Variants in FAM219A observed in about 807,000 individuals in gnomAD.
The protein encoded by FAM219A is family with sequence similarity 219 member A.
A neutral mutation model predicts 23.4 loss-of-function variants in FAM219A; 7 were observed. The ratio of observed to expected loss-of-function variants is 0.30; its 90% CI spans 0.17 to 0.56. FAM219A has a LOEUF of 0.56. Ranked by LOEUF, FAM219A falls within the 20% of genes least tolerant of loss-of-function variation. The probability of loss-of-function intolerance (pLI) is 0.92; values close to 1 mark genes in which losing one functional copy is unlikely to be tolerated. For missense variants in FAM219A, 166 were observed against 246.9 expected (o/e 0.67, Z 2.20); for synonymous variants, 93 against 99.0 (o/e 0.94, Z 0.36).
At chr9:34,402,199 T>C in intron 4 of FAM219A, 188 bp downstream of exon 4, 1 of 1,533,744 alleles carries the variant, frequency 6.5e-7, no homozygotes, top group Non-Finnish European at 8.8e-7. Flanking sequence ...TTCCTCTCTC[T>C]GCCACCTCTC....
chr9:34,421,007 T>TGAGAGAGAGAGAGAGAGA (rs761212084), intron 1 of FAM219A, among the ~76,000 whole-genome samples: 773 of 76,434 alleles, frequency 0.01, 16 homozygotes, highest in Non-Finnish European at 0.013. Context: ...TGTGTGTGTG[T>TGAGAGAGAGAGAGAGAGA]GTGAGAGAGA....
intron 1 of FAM219A, among the ~76,000 whole-genome samples, chr9:34,454,213 A>T (rs1005658015): frequency 3.9e-5 from 6 of 152,210 alleles, no homozygotes; most frequent in African/African-American, 1.2e-4. Context: ...CAAAGCGGGC[A>T]GATCATGAGG....
chr9:34,449,816 T>C (rs1399693365), intron 1 of FAM219A, among the ~76,000 whole-genome samples: 2 of 152,224 alleles, frequency 1.3e-5, no homozygotes, highest in African/African-American at 2.4e-5. Context: ...TCAGAGTCTT[T>C]AAAACGTCAG....
intron 1 of FAM219A, among the ~76,000 whole-genome samples, chr9:34,439,197 C>A (rs944776675): frequency 3.4e-4 from 52 of 152,240 alleles, no homozygotes; most frequent in African/African-American, 1.2e-3. Context: ...CTGTAACACT[C>A]ACCGCGAGGG....
At position 34,401,733 on chromosome 9, in the gene FAM219A, G is replaced by A; in HGVS notation, c.345-13C>T. On this transcript the variant is annotated splice_polypyrimidine_tract_variant and intron_variant, in intron 4 of 5. Transcript: ENST00000651358. Reference sequence around the variant, plus strand: ...AAAGTCATCATCGCTGGCCATGGAGGAAAGAGAGGGAAAGTGATACCAAGA... The same window carrying A: ...AAAGTCATCATCGCTGGCCATGGAGAAAAGAGAGGGAAAGTGATACCAAGA... 1 of 1,603,806 alleles carries A rather than the reference G, an allele frequency of 6.2e-7. No homozygotes were observed. The highest frequency in any genetic ancestry group is 1.1e-5 in the South Asian group (1 of 88,258).
At chr9:34,453,630 T>C (rs1361872632) in intron 1 of FAM219A, among the ~76,000 whole-genome samples, 1 of 152,196 alleles carries the variant, frequency 6.6e-6, no homozygotes, top group Non-Finnish European at 1.5e-5. Context: ...AGTTAACTGA[T>C]AACCTGGTTT....
At chr9:34,429,019 A>G (rs12235644) in intron 1 of FAM219A, among the ~76,000 whole-genome samples, 3,163 of 152,278 alleles carry the variant, frequency 0.021, 91 homozygotes, top group East Asian at 0.12. Flanking sequence ...CTATCATGCA[A>G]CACCTCTTGA....
intron 2 of FAM219A, among the ~76,000 whole-genome samples, chr9:34,403,952 C>T (rs908305580): frequency 6.6e-6 from 1 of 152,170 alleles, no homozygotes; most frequent in Middle Eastern, 3.2e-3. Context: ...CAGCAGGTGG[C>T]AGCTGCCATT....
At chr9:34,438,024 C>T (rs942150750) in intron 1 of FAM219A, among the ~76,000 whole-genome samples, 3 of 152,212 alleles carry the variant, frequency 2.0e-5, no homozygotes, top group Non-Finnish European at 2.9e-5. Flanking sequence ...TCGGAGCAGC[C>T]GGCTGGCCCT....
intron 1 of FAM219A, among the ~76,000 whole-genome samples, chr9:34,456,324 C>T (rs558815100): frequency 2.0e-5 from 3 of 152,342 alleles, no homozygotes; most frequent in Non-Finnish European, 4.4e-5. Context: ...CCACACAGAC[C>T]GGAAGCAGCT....
At chr9:34,406,436 C>T in intron 1 of FAM219A, 2 of 985,410 alleles carry the variant, frequency 2.0e-6, no homozygotes, top group Non-Finnish European at 2.4e-6. Context: ...GGACAGGTCC[C>T]TTCACAGGAT....
Position 34,400,118 on chromosome 9 carries a change from G to A in FAM219A, c.*846C>T. ...CCTCCCACGTCTTGGGCTGGGGTGA[G>A]GGGAATGGGCCATTGGAGTCCAGCC... On this transcript the variant is annotated 3_prime_UTR_variant, in exon 6 of 6. Coordinates refer to ENST00000651358, the MANE Select transcript of FAM219A (RefSeq NM_001184940.2). The A allele has an allele frequency of 6.6e-6, 1 of 152,274 alleles. No individual in the cohort carries two copies. The highest frequency in any genetic ancestry group is 1.5e-5 in the Non-Finnish European group (1 of 68,138). 9.4% of individuals were successfully genotyped at this position (152,274 alleles called of 1,614,324 possible). A position where few individuals can be genotyped will look rare whatever the true frequency, so the allele number is the denominator to read the frequency against.
At chr9:34,437,477 G>A (rs1365237709) in intron 1 of FAM219A, among the ~76,000 whole-genome samples, 1 of 152,176 alleles carries the variant, frequency 6.6e-6, no homozygotes, top group South Asian at 2.1e-4. Context: ...TTCAGTTCTA[G>A]AATATACCGA....
chr9:34,431,616 T>C (rs1001194556), intron 1 of FAM219A, among the ~76,000 whole-genome samples: 1 of 152,186 alleles, frequency 6.6e-6, no homozygotes, highest in Non-Finnish European at 1.5e-5. Flanking sequence ...GGTATATGCC[T>C]GTAGTCCCTG....
Position 34,400,844 on chromosome 9 carries a change from G to A in FAM219A, c.*120C>T, listed in dbSNP as rs999862132. ...GAGGAAGCAATGACTGTTATACGAGGTTGGCGGCTGTAGGGGCGCGGGGCC... is the reference window on the plus strand; with the variant it reads ...GAGGAAGCAATGACTGTTATACGAGATTGGCGGCTGTAGGGGCGCGGGGCC... On this transcript the variant is annotated 3_prime_UTR_variant, in exon 6 of 6. Transcript: ENST00000651358. 9.1e-5 allele frequency: 93 copies of A among 1,020,096 alleles called. No homozygotes were observed. The highest frequency in any genetic ancestry group is 1.2e-4 in the Non-Finnish European group (89 of 733,688). The allele number at this position is 1,020,096 out of a possible 1,614,324, so 63.2% of individuals were successfully genotyped here.
chr9:34,421,037 A>AGAGAGAGAGAGG, intron 1 of FAM219A, among the ~76,000 whole-genome samples: 1 of 149,916 alleles, frequency 6.7e-6, no homozygotes, highest in African/African-American at 2.5e-5. Context: ...AGAGAGAGAG[A>AGAGAGAGAGAGG]GAGAGAGAAT....
Position 34,398,312 on chromosome 9 carries a change from T to C in FAM219A, c.*2652A>G. 1 of 1,550,834 alleles carries C rather than the reference T, an allele frequency of 6.4e-7. No individual in the cohort carries two copies. The highest frequency in any genetic ancestry group is 8.7e-7 in the Non-Finnish European group (1 of 1,147,038). The stretch of plus-strand genomic sequence containing the variant: ...GGCTCATGTCTTCCACACACCTTCC[T>C]GGAAATAAATTAGTGAGCACGGAGA... On this transcript the variant is annotated 3_prime_UTR_variant, in exon 6 of 6. Transcript: ENST00000651358.
intron 1 of FAM219A, among the ~76,000 whole-genome samples, chr9:34,430,792 T>C (rs996599746): frequency 1.3e-5 from 2 of 151,820 alleles, no homozygotes; most frequent in Non-Finnish European, 2.9e-5. Context: ...TAGTGAGCAG[T>C]GATCATGCCA....
intron 1 of FAM219A, among the ~76,000 whole-genome samples, chr9:34,445,734 C>T (rs72735220): frequency 0.05 from 7,566 of 152,230 alleles, 273 homozygotes; most frequent in Non-Finnish European, 0.065. Flanking sequence ...CTAGGCCACG[C>T]CAACCTCCAG....
Sources: gnomAD v4.1 joint callset for allele counts (sites outside exome capture counted in the v4.1 genomes callset) on GRCh38, gnomAD v4.1.1 for gene constraint, MANE v1.5 for transcripts, NCBI Gene and HGNC (gene_info 2026-07-23, HGNC 2026-07-21) for gene names.